The following IGSF10 variants were observed in gnomAD, a reference collection of about 807,000 sequenced individuals.
The protein encoded by IGSF10 is immunoglobulin superfamily member 10, also known as calvaria mechanical force protein 608.
In IGSF10, 126 loss-of-function variants were observed where a neutral mutation model predicts 128.2. The ratio of observed to expected loss-of-function variants is 0.98; its 90% CI spans 0.85 to 1.14. The LOEUF is 1.14. Among genes scored for constraint, IGSF10 ranks in the 50% most tolerant of loss-of-function variants. The pLI is 0.00. For missense variants in IGSF10, 3,295 were observed against 3,149.8 expected (o/e 1.05, Z -1.10); for synonymous variants, 1,185 against 1,146.2 (o/e 1.03, Z -0.68).
the IGSF10 span, among the ~76,000 whole-genome samples, chr3:151,614,595 G>A: frequency 6.6e-6 from 1 of 151,712 alleles, no homozygotes; most frequent in African/African-American, 2.4e-5. Context: ...ACCGCATGCT[G>A]TCACTCATAG....
the IGSF10 span, among the ~76,000 whole-genome samples, chr3:151,513,631 C>T: frequency 1.9e-4 from 29 of 152,230 alleles, no homozygotes; most frequent in Non-Finnish European, 2.6e-4. Context: ...GGAAATCAGG[C>T]AGGAGAAGGA....
At chr3:151,513,986 G>A in the IGSF10 span, among the ~76,000 whole-genome samples, 1 of 152,264 alleles carries the variant, frequency 6.6e-6, no homozygotes, top group Non-Finnish European at 1.5e-5. Flanking sequence ...ACAAACAAAT[G>A]GAAGAACATT....
chr3:151,509,251 T>A, the IGSF10 span, among the ~76,000 whole-genome samples: 1 of 152,196 alleles, frequency 6.6e-6, no homozygotes, highest in Admixed American at 6.5e-5. Flanking sequence ...AAGAAAATAC[T>A]TTACCAGATT....
chr3:151,611,434 T>G, the IGSF10 span, among the ~76,000 whole-genome samples: 1 of 152,166 alleles, frequency 6.6e-6, no homozygotes, highest in Non-Finnish European at 1.5e-5. Flanking sequence ...TGTGCAGAGA[T>G]TCAGTATCTT....
At chr3:151,461,435 T>G, upstream of IGSF10, 6 of 984,070 alleles carry the variant, frequency 6.1e-6, no homozygotes, top group Non-Finnish European at 7.2e-6. Context: ...ATACCTGCAG[T>G]GTCAATGTTT....
At chr3:151,461,682 T>A (rs560810611), upstream of IGSF10, among the ~76,000 whole-genome samples, 6 of 152,304 alleles carry the variant, frequency 3.9e-5, no homozygotes, top group South Asian at 1.2e-3. Flanking sequence ...GCACATTAGA[T>A]CTATATAAAT....
At chr3:151,432,778 C>G, downstream of IGSF10, 1 of 1,613,240 alleles carries the variant, frequency 6.2e-7, no homozygotes, top group Non-Finnish European at 8.5e-7. Context: ...AGGAGTGACT[C>G]CGTATGGGCA....
the IGSF10 span, among the ~76,000 whole-genome samples, chr3:151,474,171 T>G: frequency 3.9e-5 from 6 of 152,138 alleles, no homozygotes; most frequent in African/African-American, 1.4e-4. Flanking sequence ...CATGCAGCTT[T>G]AGATATTTTG....
At chr3:151,587,493 G>A in the IGSF10 span, among the ~76,000 whole-genome samples, 5 of 151,994 alleles carry the variant, frequency 3.3e-5, no homozygotes, top group Non-Finnish European at 7.4e-5. Flanking sequence ...TGAATAATTT[G>A]TTTTCTGGGC....
chr3:151,575,399 C>T, the IGSF10 span, among the ~76,000 whole-genome samples: 6 of 152,066 alleles, frequency 3.9e-5, no homozygotes, highest in East Asian at 3.9e-4. Flanking sequence ...GCTTCCCGGT[C>T]GCTTTTTTTA....
At chr3:151,497,851 G>A in the IGSF10 span, among the ~76,000 whole-genome samples, 125,176 of 151,264 alleles carry the variant, frequency 0.83, 51,885 homozygotes, top group Middle Eastern at 0.93. Context: ...CTTTTATTTC[G>A]CTGAGCAGTG....
chr3:151,519,251 A>G, the IGSF10 span, among the ~76,000 whole-genome samples: 1 of 151,824 alleles, frequency 6.6e-6, no homozygotes, highest in Non-Finnish European at 1.5e-5. Context: ...TCTTCCATAC[A>G]TTCAGCCACC....
At chr3:151,488,608 A>G in the IGSF10 span, among the ~76,000 whole-genome samples, 1 of 152,196 alleles carries the variant, frequency 6.6e-6, no homozygotes, top group Non-Finnish European at 1.5e-5. Flanking sequence ...ACAGCATGGT[A>G]TTTATACCAA....
the IGSF10 span, among the ~76,000 whole-genome samples, chr3:151,614,123 A>G: frequency 6.6e-6 from 1 of 152,218 alleles, no homozygotes; most frequent in Non-Finnish European, 1.5e-5. Flanking sequence ...ACAATGAGAT[A>G]CCATCTCACA....
At chr3:151,482,489 C>G in the IGSF10 span, among the ~76,000 whole-genome samples, 3 of 152,096 alleles carry the variant, frequency 2.0e-5, no homozygotes, top group African/African-American at 7.2e-5. Flanking sequence ...AACTTGAAGA[C>G]TGGTTTTTTA....
chr3:151,481,132 ACT>A, the IGSF10 span, among the ~76,000 whole-genome samples: 1 of 151,962 alleles, frequency 6.6e-6, no homozygotes, highest in African/African-American at 2.4e-5. Flanking sequence ...GGCTCTGCTG[ACT>A]CACGTAGCTG....
intron 7 of IGSF10, chr3:151,440,645 T>C (rs1720796252): frequency 2.2e-6 from 1 of 456,606 alleles, no homozygotes; most frequent in Non-Finnish European, 4.4e-6. Context: ...TTCCTAATGC[T>C]TTCTAAAAGT....
rs139955343 is a variant in IGSF10 at position 151,454,190 on chromosome 3, G to A, written c.325-416C>T. Among the ~76,000 whole-genome samples the A allele has an allele frequency of 4.3e-3, 647 of 151,816 alleles. 5 individuals carry two copies. The highest frequency in any genetic ancestry group is 0.015 in the African/African-American group (621 of 41,418). ...CCACCACCATGCCCAGCTAATTTTT[G>A]TAGTTTTAGTAGAGATGGGGTTTCA... On this transcript the variant is annotated intron_variant, in intron 4 of 7. Transcript: ENST00000282466.
At position 151,437,389 on chromosome 3, in the gene IGSF10, G is replaced by A; in HGVS notation, c.7172C>T (p.Ala2391Val). ...NGPQSYQYLI[A>V]SNGSFIISKT... ...AGAAATGATAAAAGAACCATTGCTT[G>A]CTATCAGATACTGATAACTTTGTGG... The change falls in exon 8 of 8, where the codon GCA becomes GTA. Residue 2391 changes from alanine to valine, a missense_variant. Transcript: ENST00000282466. 1 of 1,614,118 alleles carries A rather than the reference G, an allele frequency of 6.2e-7. No homozygotes were observed. Among genetic ancestry groups the A allele is most frequent in the Non-Finnish European group, 8.5e-7 (1 of 1,179,990 alleles).
Sources: allele counts gnomAD v4.1 joint callset (sites outside exome capture counted in the v4.1 genomes callset), GRCh38; gene constraint gnomAD v4.1.1; transcripts MANE v1.5; gene names NCBI Gene and HGNC (gene_info 2026-07-23, HGNC 2026-07-21).